FAM193A: variants seen among roughly 807,000 people sequenced by gnomAD.
The protein encoded by FAM193A is protein FAM193A.
Under a neutral mutation model 126.5 loss-of-function variants are expected in FAM193A, and 22 were observed. The ratio of observed to expected loss-of-function variants is 0.17; its 90% CI spans 0.12 to 0.25. FAM193A has a LOEUF of 0.25. Ranked by LOEUF, FAM193A falls within the 10% of genes least tolerant of loss-of-function variation. The probability of loss-of-function intolerance (pLI) is 1.00; values close to 1 mark genes in which losing one functional copy is unlikely to be tolerated. For missense variants in FAM193A, 1,675 were observed against 1,672.8 expected, an observed-to-expected ratio of 1.00 and a Z score of -0.02; for synonymous variants, 761 against 646.8, an observed-to-expected ratio of 1.18 and a Z score of -2.68.
At chr4:2,728,188 G>A (rs1720969827) in intron 20 of FAM193A, among the ~76,000 whole-genome samples, 2 of 151,026 alleles carry the variant, frequency 1.3e-5, no homozygotes, top group Middle Eastern at 3.5e-3. Context: ...ACCTTACCTC[G>A]GCCTCCCAAA....
At chr4:2,697,993 G>T (rs1315181331) in intron 18 of FAM193A, among the ~76,000 whole-genome samples, 3 of 152,178 alleles carry the variant, frequency 2.0e-5, no homozygotes, top group Non-Finnish European at 4.4e-5. Flanking sequence ...CAGACTTGAG[G>T]CCCAGCTGAA....
intron 4 of FAM193A, among the ~76,000 whole-genome samples, chr4:2,629,079 C>T (rs575850612): frequency 3.3e-5 from 5 of 152,074 alleles, no homozygotes; most frequent in African/African-American, 1.2e-4. Flanking sequence ...GTCTCAATCT[C>T]GCCTCCCAAA....
intron 18 of FAM193A, among the ~76,000 whole-genome samples, chr4:2,698,986 C>G (rs1717352526): frequency 6.6e-6 from 1 of 152,162 alleles, no homozygotes. Context: ...CAGCCTCAAC[C>G]TCCTGGCTTC....
intron 1 of FAM193A, among the ~76,000 whole-genome samples, chr4:2,540,647 CA>C: frequency 6.6e-6 from 1 of 151,776 alleles, no homozygotes; most frequent in East Asian, 2.0e-4. Context: ...GACTCCGTCT[CA>C]AAAAAACAAA....
At chr4:2,685,841 G>A (rs1475931692) in intron 13 of FAM193A, among the ~76,000 whole-genome samples, 1 of 152,194 alleles carries the variant, frequency 6.6e-6, no homozygotes, top group East Asian at 1.9e-4. Flanking sequence ...GCAGTTTGTT[G>A]TGTTTGCATA....
At chr4:2,648,425 G>A (rs748305603) in intron 7 of FAM193A, among the ~76,000 whole-genome samples, 2 of 152,254 alleles carry the variant, frequency 1.3e-5, no homozygotes, top group Non-Finnish European at 2.9e-5. Flanking sequence ...TGGGGCCTGA[G>A]AGAGCAGTTG....
At chr4:2,647,469 A>T (rs1450013248) in intron 7 of FAM193A, among the ~76,000 whole-genome samples, 1 of 152,156 alleles carries the variant, frequency 6.6e-6, no homozygotes, top group African/African-American at 2.4e-5. Flanking sequence ...TTTTAAGTCC[A>T]GGAGCTGTTT....
intron 5 of FAM193A, among the ~76,000 whole-genome samples, chr4:2,639,345 C>T (rs1393934967): frequency 6.6e-6 from 1 of 152,106 alleles, no homozygotes; most frequent in South Asian, 2.1e-4. Flanking sequence ...CCTTTAGCAT[C>T]GAGGGACTTG....
chr4:2,624,958 A>C (rs973853525), intron 2 of FAM193A, among the ~76,000 whole-genome samples: 1 of 152,168 alleles, frequency 6.6e-6, no homozygotes, highest in Non-Finnish European at 1.5e-5. Context: ...CCCAGGCTCA[A>C]GTGATCCTGT....
chr4:2,699,038 C>T (rs886376403), intron 18 of FAM193A, among the ~76,000 whole-genome samples: 3 of 152,220 alleles, frequency 2.0e-5, no homozygotes, highest in Non-Finnish European at 4.4e-5. Flanking sequence ...GCTGGGACCA[C>T]AGTCGTGCGC....
intron 10 of FAM193A, among the ~76,000 whole-genome samples, chr4:2,662,134 G>A (rs1712531211): frequency 1.3e-5 from 2 of 152,132 alleles, no homozygotes; most frequent in Admixed American, 1.3e-4. Flanking sequence ...AGTGAGCCGA[G>A]ATTGTGCCAC....
intron 1 of FAM193A, among the ~76,000 whole-genome samples, chr4:2,546,263 A>G (rs1737546182): frequency 6.6e-6 from 1 of 151,540 alleles, no homozygotes; most frequent in South Asian, 2.1e-4. Flanking sequence ...AAGTTTTGGG[A>G]TTACAGGTGT....
intron 5 of FAM193A, among the ~76,000 whole-genome samples, chr4:2,637,099 G>A (rs1013669030): frequency 2.6e-5 from 4 of 152,190 alleles, no homozygotes; most frequent in African/African-American, 9.7e-5. Flanking sequence ...GGCCAAGGTG[G>A]GTGGATTACT....
intron 13 of FAM193A, among the ~76,000 whole-genome samples, chr4:2,686,221 T>A (rs1452626774): frequency 6.6e-6 from 1 of 152,238 alleles, no homozygotes; most frequent in Non-Finnish European, 1.5e-5. Context: ...GGCTTCCGTT[T>A]TTGAGTGTGT....
At chr4:2,699,628 T>G in intron 18 of FAM193A, 52 bp from the exon 19 acceptor site, 1 of 1,525,516 alleles carries the variant, frequency 6.6e-7, no homozygotes, top group Non-Finnish European at 8.8e-7. Context: ...CTGTATGACT[T>G]AATTTTTAGC....
intron 1 of FAM193A, among the ~76,000 whole-genome samples, chr4:2,595,188 A>G (rs1403817645): frequency 6.6e-6 from 1 of 151,822 alleles, no homozygotes; most frequent in Non-Finnish European, 1.5e-5. Flanking sequence ...AGCTGGGACT[A>G]CAGGCACGCA....
chr4:2,713,095 A>C (rs1400260408), intron 19 of FAM193A, among the ~76,000 whole-genome samples: 7 of 105,340 alleles, frequency 6.6e-5, no homozygotes, highest in East Asian at 2.7e-4. Context: ...ACAGAGCTAG[A>C]CTCTGCTTCA....
chr4:2,543,053 A>G (rs1020408526), intron 1 of FAM193A, among the ~76,000 whole-genome samples: 4 of 151,810 alleles, frequency 2.6e-5, no homozygotes, highest in African/African-American at 9.7e-5. Context: ...GCTCTGTTCC[A>G]TGGGCAAGGT....
At chr4:2,651,283 T>C (rs1362239526) in intron 7 of FAM193A, among the ~76,000 whole-genome samples, 4 of 151,940 alleles carry the variant, frequency 2.6e-5, no homozygotes, top group African/African-American at 9.7e-5. Context: ...TGAGCTGAGA[T>C]CATGCCATTG....
Sources: gnomAD v4.1 joint callset for allele counts (sites outside exome capture counted in the v4.1 genomes callset) on GRCh38, gnomAD v4.1.1 for gene constraint, MANE v1.5 for transcripts, NCBI Gene and HGNC (gene_info 2026-07-23, HGNC 2026-07-21) for gene names.